The following NFYC variants were observed in gnomAD, a reference collection of about 807,000 sequenced individuals.
NFYC encodes the protein CAAT box DNA-binding protein subunit C.
NFYC carries 25 observed loss-of-function variants against 53.1 expected under a neutral mutation model. The ratio of observed to expected loss-of-function variants is 0.47; its 90% CI spans 0.34 to 0.66. The LOEUF (loss-of-function observed/expected upper bound fraction) is 0.66, where lower values mean the gene tolerates loss of function less well. Among genes scored for constraint, NFYC ranks in the 30% least tolerant of loss-of-function variants. NFYC has a pLI of 0.01. For synonymous variants in NFYC, 145 were observed against 152.6 expected (o/e 0.95, Z 0.37); for missense variants, 260 against 422.7 (o/e 0.62, Z 3.38).
At chr1:40,733,832 T>C (rs1644891458) in intron 1 of NFYC, among the ~76,000 whole-genome samples, 1 of 151,998 alleles carries the variant, frequency 6.6e-6, no homozygotes, top group Non-Finnish European at 1.5e-5. Flanking sequence ...CAACCTCCGC[T>C]TCCCAGGTTC....
At chr1:40,733,339 G>C (rs1644864540) in intron 1 of NFYC, among the ~76,000 whole-genome samples, 1 of 151,630 alleles carries the variant, frequency 6.6e-6, no homozygotes, top group Admixed American at 6.6e-5. Flanking sequence ...TTCGTGGAGA[G>C]ATAGTAATTG....
chr1:40,738,517 C>T (rs1645173757), intron 1 of NFYC, among the ~76,000 whole-genome samples: 1 of 152,160 alleles, frequency 6.6e-6, no homozygotes, highest in South Asian at 2.1e-4. Context: ...GTACTTTCCT[C>T]ACCCCACACC....
At position 40,719,824 on chromosome 1, in the gene NFYC, A is replaced by T. The variant is rs1478837746; in HGVS notation, c.-8-19012A>T. Reference sequence around the variant, plus strand: ...CAGAACTGAGAATCAGAAGACATGAATTTTAATTTCACCTGTGGCATATAC... The same window carrying T: ...CAGAACTGAGAATCAGAAGACATGATTTTTAATTTCACCTGTGGCATATAC... On this transcript the variant is annotated intron_variant, in intron 1 of 9. Transcript: ENST00000447388. Among the ~76,000 whole-genome samples, 6 of 152,216 alleles carry T rather than the reference A, an allele frequency of 3.9e-5. No homozygotes were observed. In the East Asian group the frequency reaches 9.6e-4, roughly 24 times the overall value.
intron 1 of NFYC, among the ~76,000 whole-genome samples, chr1:40,721,894 G>A (rs1644340653): frequency 6.6e-6 from 1 of 152,080 alleles, no homozygotes; most frequent in African/African-American, 2.4e-5. Context: ...TTGAAGGCCG[G>A]GCGCGGTGGC....
intron 2 of NFYC, among the ~76,000 whole-genome samples, chr1:40,746,579 G>T (rs527314945): frequency 1.3e-5 from 2 of 152,254 alleles, no homozygotes; most frequent in Admixed American, 1.3e-4. Context: ...ACCACTTATA[G>T]AATCAATCAT....
chr1:40,735,762 T>C (rs1175706633), intron 1 of NFYC: 1 of 985,036 alleles, frequency 1.0e-6, no homozygotes, highest in African/African-American at 1.7e-5. Flanking sequence ...TTAGATTCTT[T>C]TAAAGCTTTT....
chr1:40,700,911 C>T (rs1643403297), intron 1 of NFYC, among the ~76,000 whole-genome samples: 1 of 152,124 alleles, frequency 6.6e-6, no homozygotes, highest in African/African-American at 2.4e-5. Flanking sequence ...GTGTCCCCTT[C>T]TCCAGCTTAT....
chr1:40,770,662 C>T lies in NFYC; in HGVS notation c.889-47C>T, dbSNP rs766167296. The T allele has an allele frequency of 3.1e-6, 5 of 1,614,106 alleles. No homozygotes were observed. The South Asian group carries it at 4.4e-5, about 14-fold the overall frequency. On this transcript the variant is annotated intron_variant, in intron 9 of 9. Transcript: ENST00000447388. This position sits in a 1 kb window ranked among gnomAD's most constrained non-coding sequence, Gnocchi z 5.3. ...CTCGAGACCCATAGGGAGCTGCATG[C>T]CCCTCTCCCAGGGATGACCTCACTC...
At chr1:40,733,050 G>C (rs1302416329) in intron 1 of NFYC, among the ~76,000 whole-genome samples, 1 of 115,724 alleles carries the variant, frequency 8.6e-6, no homozygotes, top group African/African-American at 3.4e-5. Flanking sequence ...GCCATACCCA[G>C]CATCAGTCTT....
chr1:40,771,390 G>A lies in NFYC; in HGVS notation c.*562G>A, dbSNP rs960801973. 1.3e-5 allele frequency: 6 copies of A among 469,932 alleles called. No individual in the cohort carries two copies. The highest frequency in any genetic ancestry group is 6.5e-4 in the Middle Eastern group (2 of 3,088). 29.1% of individuals were successfully genotyped at this position (469,932 alleles called of 1,614,324 possible). A position where few individuals can be genotyped will look rare whatever the true frequency, so the allele number is the denominator to read the frequency against. On this transcript the variant is annotated 3_prime_UTR_variant, in exon 10 of 10. Coordinates refer to ENST00000447388, the MANE Select transcript of NFYC (RefSeq NM_014223.5). ...TGTGTATTTGCATCCAGAGGCCATG[G>A]AAACATTCTTTGCATTTAAGAGACA...
Position 40,691,734 on chromosome 1 carries a change from C to A in NFYC, c.-142C>A, listed in dbSNP as rs551158861. 11 of 455,192 alleles carry A rather than the reference C, an allele frequency of 2.4e-5. No homozygotes were observed. The highest frequency in any genetic ancestry group is 4.9e-5 in the Non-Finnish European group (11 of 226,380). 28.2% of individuals were successfully genotyped at this position (455,192 alleles called of 1,614,324 possible). ...CGGCGTGGCCGCCATCTTGCTTGTG[C>A]CCCCGCTTCGCGCGCGCTCCGTTCT... On this transcript the variant is annotated 5_prime_UTR_variant, in exon 1 of 10. Coordinates refer to ENST00000447388, the MANE Select transcript of NFYC (RefSeq NM_014223.5).
Position 40,716,386 on chromosome 1 carries a change from T to A in NFYC, c.-8-22450T>A, listed in dbSNP as rs113706662. The stretch of plus-strand genomic sequence containing the variant: ...GCAAGATCATGATTCAAAAAGTACA[T>A]CTTGGGTTAAGGAGAGCAGTAAATG... On this transcript the variant is annotated intron_variant, in intron 1 of 9. Transcript: ENST00000447388. 6.0e-3 allele frequency among the ~76,000 whole-genome samples: 910 copies of A among 152,208 alleles called. 8 individuals are homozygous for A. Among genetic ancestry groups the A allele is most frequent in the African/African-American group, 0.021 (863 of 41,520 alleles).
At chr1:40,753,888 C>T (rs78943268) in intron 5 of NFYC, among the ~76,000 whole-genome samples, 213 of 152,284 alleles carry the variant, frequency 1.4e-3, no homozygotes, top group African/African-American at 4.5e-3. Context: ...AGAATATGAA[C>T]GTCTGCCTTC....
At chr1:40,749,515 A>AC in intron 3 of NFYC, 58 bp from the exon 4 acceptor site, 1 of 1,374,854 alleles carries the variant, frequency 7.3e-7, no homozygotes. Context: ...GAGGCAAGAG[A>AC]CAGACTGGTT....
At chr1:40,766,794 C>T in intron 8 of NFYC, 91 bp downstream of exon 8, 3 of 1,484,612 alleles carry the variant, frequency 2.0e-6, no homozygotes, top group Non-Finnish European at 2.8e-6. Flanking sequence ...AGCTGTCTTG[C>T]CACCTCATCC....
At chr1:40,694,925 T>C (rs1045712342) in intron 1 of NFYC, among the ~76,000 whole-genome samples, 4 of 152,236 alleles carry the variant, frequency 2.6e-5, no homozygotes, top group Non-Finnish European at 4.4e-5. Flanking sequence ...AAATCTGTTA[T>C]CTCATTTATA....
intron 1 of NFYC, chr1:40,712,413 A>G (rs1395719572): frequency 6.6e-6 from 1 of 152,218 alleles, no homozygotes; most frequent in Admixed American, 6.5e-5. Context: ...GGAACCTCTC[A>G]GAATAAAATC....
rs529205293 is a variant in NFYC at position 40,700,369 on chromosome 1, T to C, written c.-9+8502T>C. The stretch of plus-strand genomic sequence containing the variant: ...TTTAATTAATTTTTTTGAGATGGGG[T>C]CTCACTTTCTTGCCCACGCTGGAGT... On this transcript the variant is annotated intron_variant, in intron 1 of 9. Coordinates refer to ENST00000447388, the MANE Select transcript of NFYC (RefSeq NM_014223.5). Among the ~76,000 whole-genome samples, 7 of 152,292 alleles carry C rather than the reference T, an allele frequency of 4.6e-5. 1 individual carries two copies. The South Asian group carries it at 1.4e-3, about 32-fold the overall frequency.
chr1:40,710,279 A>G (rs1239627094), intron 1 of NFYC, among the ~76,000 whole-genome samples: 2 of 152,210 alleles, frequency 1.3e-5, no homozygotes, highest in Admixed American at 6.5e-5. Flanking sequence ...GATTTCACAC[A>G]TTTTGTCAGG....
Sources: allele counts gnomAD v4.1 joint callset (sites outside exome capture counted in the v4.1 genomes callset), GRCh38; gene constraint gnomAD v4.1.1; non-coding constraint Gnocchi (gnomAD v3.1); transcripts MANE v1.5; gene names NCBI Gene and HGNC (gene_info 2026-07-23, HGNC 2026-07-21).